Variants in FRMPD4 observed in about 807,000 individuals in gnomAD.
FRMPD4 encodes the protein FERM and PDZ domain containing 4, also known as FERM and PDZ domain-containing protein 4.
A neutral mutation model predicts 94.1 loss-of-function variants in FRMPD4; 22 were observed. The observed-to-expected ratio is 0.23, with a 90% CI of 0.17 to 0.33. The LOEUF is 0.33. FRMPD4 is among the 10% of genes least tolerant of loss of function. FRMPD4 has a pLI of 1.00. For synonymous variants in FRMPD4, 631 were observed against 548.6 expected (o/e 1.15, Z -2.10); for missense variants, 1,111 against 1,339.9 (o/e 0.83, Z 2.67).
chrX:12,153,157 C>T (rs1353974318), intron 1 of FRMPD4, among the ~76,000 whole-genome samples: 1 of 110,672 alleles, frequency 9.0e-6, no homozygotes, highest in Non-Finnish European at 1.9e-5. Context: ...AGGATGGTCT[C>T]GATCTCCTGA....
intron 3 of FRMPD4, among the ~76,000 whole-genome samples, chrX:11,951,710 TAACA>T (rs1317602448): frequency 8.9e-6 from 1 of 112,159 alleles, no homozygotes; most frequent in Non-Finnish European, 1.9e-5. Context: ...TTTACCTATG[TAACA>T]AACCTGCACA....
At chrX:12,121,220 C>A (rs1042702471) in intron 3 of FRMPD4, among the ~76,000 whole-genome samples, 1 of 109,766 alleles carries the variant, frequency 9.1e-6, no homozygotes, top group Non-Finnish European at 1.9e-5. Context: ...GATACTTCAA[C>A]AAATTGAATG....
intron 3 of FRMPD4, among the ~76,000 whole-genome samples, chrX:12,122,300 G>A (rs1371791060): frequency 8.0e-5 from 9 of 112,082 alleles, no homozygotes; most frequent in Non-Finnish European, 1.7e-4. Flanking sequence ...TATAAATGTT[G>A]TTCCTTTGTG....
At position 12,244,236 on chromosome X, in the gene FRMPD4, T is replaced by C. The variant is rs752454316; in HGVS notation, c.41+105224T>C. ...CTATCAGTTGGAGTCCAGCCCAGCC[T>C]AGAGGATTCTGCCTTTGGCTCAGCT... On this transcript the variant is annotated intron_variant, in intron 1 of 16. Transcript: ENST00000675598. Among the ~76,000 whole-genome samples, 44 of 111,343 alleles carry C rather than the reference T, an allele frequency of 4.0e-4. No homozygotes were observed. In the South Asian group the frequency reaches 0.015, roughly 38 times the overall value.
intron 1 of FRMPD4, among the ~76,000 whole-genome samples, chrX:12,190,764 G>A (rs1396434117): frequency 9.7e-6 from 1 of 102,887 alleles, no homozygotes; most frequent in African/African-American, 3.5e-5. Flanking sequence ...ATGGATCACA[G>A]ACCTAGAAGT....
chrX:11,906,115 T>TTTTATTTATTTA (rs59185589), intron 3 of FRMPD4, among the ~76,000 whole-genome samples: 2,958 of 88,189 alleles, frequency 0.034, 53 homozygotes, highest in East Asian at 0.063. Context: ...TTTCCCTTCA[T>TTTTATTTATTTA]TTTATTTATT....
intron 1 of FRMPD4, among the ~76,000 whole-genome samples, chrX:12,284,938 G>A (rs151028369): frequency 2.8e-3 from 316 of 111,913 alleles, no homozygotes; most frequent in African/African-American, 9.7e-3. Flanking sequence ...TGGGAGTATT[G>A]GGAGGACTAC....
chrX:12,679,403 C>T (rs189337006), intron 5 of FRMPD4, among the ~76,000 whole-genome samples: 6 of 111,634 alleles, frequency 5.4e-5, no homozygotes, highest in East Asian at 2.8e-4. Context: ...ACCAACCAGG[C>T]GGGGACCAGA....
At chrX:11,830,022 C>T (rs188796843) in intron 1 of FRMPD4, among the ~76,000 whole-genome samples, 41 of 111,388 alleles carry the variant, frequency 3.7e-4, no homozygotes, top group Middle Eastern at 4.7e-3. Context: ...TACTGCTTTC[C>T]CTTATAAAGT....
intron 2 of FRMPD4, among the ~76,000 whole-genome samples, chrX:12,594,866 TG>T (rs2059016579): frequency 8.9e-6 from 1 of 112,232 alleles, no homozygotes; most frequent in Non-Finnish European, 1.9e-5. Context: ...TGTTCCGTAA[TG>T]TAATGGTTCA....
At position 12,107,875 on chromosome X, in the gene FRMPD4, A is replaced by C. The variant is rs185249284; in HGVS notation, c.95+229857A>C. Among the ~76,000 whole-genome samples the C allele has an allele frequency of 1.8e-3, 204 of 111,997 alleles. 1 individual carries two copies. The highest frequency in any genetic ancestry group is 6.4e-3 in the African/African-American group (196 of 30,844). On this transcript the variant is annotated intron_variant, in intron 3 of 18. Coordinates refer to the FRMPD4 transcript ENST00000640291. The stretch of plus-strand genomic sequence containing the variant: ...AGCAAGAAGAGAAGTTTAGAGAAAA[A>C]AAAAGTGAAAAGAAATGAACAAAGC...
chrX:12,353,592 A>T (rs1221324123), intron 1 of FRMPD4, among the ~76,000 whole-genome samples: 1 of 112,138 alleles, frequency 8.9e-6, no homozygotes, highest in Non-Finnish European at 1.9e-5. Flanking sequence ...AATACCCTGT[A>T]TCTAATGTAA....
chrX:12,471,264 G>C (rs2057508865), intron 1 of FRMPD4, among the ~76,000 whole-genome samples: 1 of 112,043 alleles, frequency 8.9e-6, no homozygotes, highest in Non-Finnish European at 1.9e-5. Flanking sequence ...GCCATTCTCT[G>C]TTAACAAACC....
At chrX:12,504,348 C>T (rs377259840) in intron 2 of FRMPD4, among the ~76,000 whole-genome samples, 97 of 112,517 alleles carry the variant, frequency 8.6e-4, no homozygotes, top group African/African-American at 2.9e-3. Context: ...CTTTTGAGTA[C>T]GCATGATGGG....
At chrX:12,255,662 T>A (rs753014313) in intron 1 of FRMPD4, among the ~76,000 whole-genome samples, 1 of 112,104 alleles carries the variant, frequency 8.9e-6, no homozygotes, top group South Asian at 3.8e-4. Context: ...AAAAACAAAT[T>A]TAAATATTTT....
intron 3 of FRMPD4, among the ~76,000 whole-genome samples, chrX:12,098,319 T>A (rs1401060282): frequency 9.0e-6 from 1 of 111,311 alleles, no homozygotes; most frequent in Non-Finnish European, 1.9e-5. Flanking sequence ...AGCATTAATG[T>A]TGACATAAAA....
At chrX:12,510,161 G>A (rs1331012609) in intron 2 of FRMPD4, among the ~76,000 whole-genome samples, 4 of 112,152 alleles carry the variant, frequency 3.6e-5, no homozygotes, top group Non-Finnish European at 7.5e-5. Flanking sequence ...GTTGGTTTAT[G>A]TACCTAAAAA....
intron 5 of FRMPD4, among the ~76,000 whole-genome samples, chrX:12,681,738 C>T (rs964250597): frequency 5.4e-5 from 6 of 110,765 alleles, no homozygotes; most frequent in African/African-American, 1.6e-4. Context: ...CACACGCACC[C>T]CACACACACC....
chrX:11,952,669 A>G (rs1224695523), intron 3 of FRMPD4, among the ~76,000 whole-genome samples: 1 of 111,550 alleles, frequency 9.0e-6, no homozygotes, highest in Non-Finnish European at 1.9e-5. Flanking sequence ...CAAGGGATAT[A>G]TTTGCAGTCA....
Sources: gnomAD v4.1 joint callset for allele counts (sites outside exome capture counted in the v4.1 genomes callset) on GRCh38, gnomAD v4.1.1 for gene constraint, MANE v1.5 for transcripts, NCBI Gene and HGNC (gene_info 2026-07-23, HGNC 2026-07-21) for gene names.